CDH3: variants seen among roughly 807,000 people sequenced by gnomAD.
CDH3 encodes cadherin 3, also known as cadherin-3.
CDH3 carries 54 observed loss-of-function variants against 82.0 expected under a neutral mutation model. The observed-to-expected ratio is 0.66, with a 90% CI of 0.53 to 0.83. CDH3 has a LOEUF of 0.83. Ranked by LOEUF, CDH3 falls within the 40% of genes least tolerant of loss-of-function variation. The pLI is 0.00. For missense variants in CDH3, 1,054 were observed against 1,084.6 expected (o/e 0.97, Z 0.40); for synonymous variants, 446 against 437.9 (o/e 1.02, Z -0.23).
At chr16:68,682,203 A>T (rs1961247721) in intron 8 of CDH3, 99 bp from the exon 9 acceptor site, 1 of 1,345,000 alleles carries the variant, frequency 7.4e-7, no homozygotes, top group Admixed American at 2.0e-5. Flanking sequence ...GAAAGGGTAA[A>T]GGCATGGGGA....
chr16:68,679,334 C>T (rs1369018665), intron 6 of CDH3, among the ~76,000 whole-genome samples: 1 of 152,202 alleles, frequency 6.6e-6, no homozygotes, highest in Non-Finnish European at 1.5e-5. Context: ...ATACAGAGCG[C>T]CTAATGCGAA....
chr16:68,645,321 A>T lies in CDH3; in HGVS notation c.-59A>T. 3 of 1,568,574 alleles carry T rather than the reference A, an allele frequency of 1.9e-6. No homozygotes were observed. Among genetic ancestry groups the T allele is most frequent in the Non-Finnish European group, 2.6e-6 (3 of 1,144,218 alleles). ...GGGCTGCGGTGCTCAAAGGGGCAAG[A>T]GCTGAGCGGAACACCGGCCCGCCGT... On this transcript the variant is annotated 5_prime_UTR_variant, in exon 1 of 16. Coordinates refer to ENST00000264012, the MANE Select transcript of CDH3 (RefSeq NM_001793.6).
chr16:68,706,893 G>A (rs1267197860), intron 1 of CDH3, among the ~76,000 whole-genome samples: 1 of 152,150 alleles, frequency 6.6e-6, no homozygotes, highest in Non-Finnish European at 1.5e-5. Flanking sequence ...AGGGGCAGAA[G>A]GGCAGGGTAG....
At chr16:68,703,989 T>TA (rs372267636), downstream of CDH3, among the ~76,000 whole-genome samples, 736 of 144,696 alleles carry the variant, frequency 5.1e-3, 5 homozygotes, top group African/African-American at 0.018. Flanking sequence ...AATGGGCGAG[T>TA]AAAAGAGTTA....
intron 1 of CDH3, 52 bp from the exon 2 acceptor site, chr16:68,645,584 G>C (rs917549746): frequency 6.7e-7 from 1 of 1,494,482 alleles, no homozygotes; most frequent in Non-Finnish European, 9.0e-7. Flanking sequence ...GGGGAGTGCA[G>C]GGCCGGGCAC....
At chr16:68,661,989 C>T (rs1368250368) in intron 2 of CDH3, among the ~76,000 whole-genome samples, 1 of 152,168 alleles carries the variant, frequency 6.6e-6, no homozygotes, top group Non-Finnish European at 1.5e-5. Flanking sequence ...CGGCGCCCAG[C>T]CAATCACTAC....
exon 2 of CDH3, chr16:68,722,470 A>ACCGGCTACAGTCTGGATCCAG (rs1287543381): frequency 1.3e-5 from 2 of 152,170 alleles, no homozygotes; most frequent in Non-Finnish European, 2.9e-5. Flanking sequence ...AGCTCTTGCC[A>ACCGGCTACAGTCTGGATCCAG]CCGGCTACAG....
In CDH3 at chr16:68,694,641, T is replaced by A. The variant is rs867617895; in HGVS notation, c.2003-614T>A. Reference sequence around the variant, plus strand: ...CTGTCTCAAAAAAAAAAAAAAAAAATTCCAACACTGCATTCCACGTAAGTT... The same window carrying A: ...CTGTCTCAAAAAAAAAAAAAAAAAAATCCAACACTGCATTCCACGTAAGTT... On this transcript the variant is annotated intron_variant, in intron 13 of 15. Transcript: ENST00000264012. Among the ~76,000 whole-genome samples, 1,189 of 145,450 alleles carry A rather than the reference T, an allele frequency of 8.2e-3. 12 individuals carry two copies. Among genetic ancestry groups the A allele is most frequent in the African/African-American group, 0.027 (1,090 of 39,658 alleles).
Position 68,676,525 on chromosome 16 carries a change from C to T in CDH3, c.246+55C>T, listed in dbSNP as rs1961040500. ...AAGAAAGATGTTCTCTGTGCATGCC[C>T]AAATTGCTGGCCAGGAGCCCTTGGT... On this transcript the variant is annotated intron_variant, in intron 3 of 15. Transcript: ENST00000264012. 3.6e-6 allele frequency: 5 copies of T among 1,408,160 alleles called. No homozygotes were observed. The South Asian group carries it at 4.6e-5, about 13-fold the overall frequency. 87.2% of individuals were successfully genotyped at this position (1,408,160 alleles called of 1,614,324 possible). A position where few individuals can be genotyped will look rare whatever the true frequency, so the allele number is the denominator to read the frequency against.
At chr16:68,691,586 T>C (rs1487664414) in intron 12 of CDH3, 134 bp from the exon 13 acceptor site, 3 of 744,358 alleles carry the variant, frequency 4.0e-6, no homozygotes, top group Admixed American at 3.9e-5. Context: ...TACTGCTATT[T>C]TCCAAAGTGT....
At chr16:68,726,064 GAAAA>G (rs2031720757) in intron 2 of CDH3, among the ~76,000 whole-genome samples, 1 of 151,990 alleles carries the variant, frequency 6.6e-6, no homozygotes. Context: ...AAAAGAAAAA[GAAAA>G]AAGAAGGGCA....
intron 11 of CDH3, chr16:68,686,275 A>T (rs112041139): frequency 4.5e-6 from 3 of 663,130 alleles, no homozygotes; most frequent in African/African-American, 1.8e-5. Flanking sequence ...GGGTGAGTGC[A>T]CCTGCACCCA....
chr16:68,727,682 G>A (rs1351291806), downstream of CDH3, among the ~76,000 whole-genome samples: 2 of 152,108 alleles, frequency 1.3e-5, no homozygotes, highest in African/African-American at 2.4e-5. Flanking sequence ...GCCAAGGTGG[G>A]TAGATCACCT....
intron 2 of CDH3, among the ~76,000 whole-genome samples, chr16:68,665,449 C>T (rs1960706941): frequency 6.6e-6 from 1 of 152,030 alleles, no homozygotes; most frequent in African/African-American, 2.4e-5. Flanking sequence ...TCATATTTGA[C>T]CCTAACAAGC....
At chr16:68,682,619 C>G in intron 9 of CDH3, 132 bp downstream of exon 9, 1 of 826,798 alleles carries the variant, frequency 1.2e-6, no homozygotes, top group African/African-American at 1.7e-5. Flanking sequence ...CAACACTGTT[C>G]TACCACTCTT....
At chr16:68,719,624 C>T (rs1276103388) in intron 1 of CDH3, among the ~76,000 whole-genome samples, 1 of 151,044 alleles carries the variant, frequency 6.6e-6, no homozygotes, top group Non-Finnish European at 1.5e-5. Context: ...ATTCTCCTGC[C>T]TCAGCCTCCC....
chr16:68,676,849 A>G (rs749562786), intron 3 of CDH3, among the ~76,000 whole-genome samples: 2 of 152,208 alleles, frequency 1.3e-5, no homozygotes, highest in Non-Finnish European at 1.5e-5. Flanking sequence ...CTCCAGGAAG[A>G]TACATCTGGG....
chr16:68,731,092 A>G (rs1374541820), downstream of CDH3, among the ~76,000 whole-genome samples: 101 of 130,248 alleles, frequency 7.8e-4, 1 homozygote, highest in African/African-American at 2.9e-3. Context: ...ATAAAAATAT[A>G]TATAATTATA....
chr16:68,693,474 G>A (rs982834438), intron 13 of CDH3, among the ~76,000 whole-genome samples: 4 of 152,120 alleles, frequency 2.6e-5, no homozygotes, highest in African/African-American at 7.2e-5. Context: ...ATGGATGATC[G>A]CAAGGCTTTC....
Sources: gnomAD v4.1 joint callset for allele counts (sites outside exome capture counted in the v4.1 genomes callset) on GRCh38, gnomAD v4.1.1 for gene constraint, MANE v1.5 for transcripts, NCBI Gene and HGNC (gene_info 2026-07-23, HGNC 2026-07-21) for gene names.